Variants in C13orf46 observed in about 807,000 individuals in gnomAD.
The protein encoded by C13orf46 is uncharacterized protein C13orf46.
the C13orf46 span, among the ~76,000 whole-genome samples, chr13:113,931,479 A>AC: frequency 4.4e-3 from 668 of 152,032 alleles, 10 homozygotes; most frequent in East Asian, 0.049. Context: ...AAGGGAGTAC[A>AC]CCCCTCCCTT....
At chr13:113,951,784 A>T (rs2052489775), downstream of C13orf46, among the ~76,000 whole-genome samples, 1 of 152,200 alleles carries the variant, frequency 6.6e-6, no homozygotes, top group African/African-American at 2.4e-5. Context: ...CTCCACGTAG[A>T]GATGTGCTGA....
rs1594241089 is a variant in C13orf46 at position 113,955,163 on chromosome 13, AGGAGAGGAGGAGCATCTGGT to A, written c.*1590_*1609del. The A allele has an allele frequency of 3.2e-5, 6 of 189,476 alleles. No homozygotes were observed. The East Asian group carries it at 8.8e-4, about 28-fold the overall frequency. The allele number at this position is 189,476 out of a possible 1,614,324, so 11.7% of individuals were successfully genotyped here. A position where few individuals can be genotyped will look rare whatever the true frequency, so the allele number is the denominator to read the frequency against. On this transcript the variant is annotated 3_prime_UTR_variant, in exon 7 of 7. Transcript: ENST00000636427. Reference sequence around the variant, plus strand: ...TCCGGTGGAGATGAGGAGCATCTCGAGGAGAGGAGGAGCATCTGGTGGAGAGGAGGAGCATCCCGTGGAGA... The same window carrying A: ...TCCGGTGGAGATGAGGAGCATCTCGAGGAGAGGAGGAGCATCCCGTGGAGA...
At chr13:113,927,574 C>T in the C13orf46 span, 12 of 398,572 alleles carry the variant, frequency 3.0e-5, no homozygotes, top group African/African-American at 1.2e-4. Flanking sequence ...ACTGATGGAG[C>T]GACCGTCTAC....
At chr13:113,929,546 G>A in the C13orf46 span, among the ~76,000 whole-genome samples, 2 of 152,244 alleles carry the variant, frequency 1.3e-5, no homozygotes, top group East Asian at 3.8e-4. Flanking sequence ...TGTTTCCCAG[G>A]CACTTGGGCC....
the C13orf46 span, among the ~76,000 whole-genome samples, chr13:113,937,232 C>G: frequency 6.6e-6 from 1 of 152,126 alleles, no homozygotes; most frequent in African/African-American, 2.4e-5. Flanking sequence ...TGTGGCATCC[C>G]CGGTCCGAGG....
At chr13:113,945,069 C>T in the C13orf46 span, among the ~76,000 whole-genome samples, 1 of 150,936 alleles carries the variant, frequency 6.6e-6, no homozygotes, top group Non-Finnish European at 1.5e-5. Flanking sequence ...ATGAGTCCTC[C>T]AGGTGTGTGA....
intron 6 of C13orf46, among the ~76,000 whole-genome samples, chr13:113,958,219 C>G (rs1053827402): frequency 2.0e-5 from 3 of 150,702 alleles, no homozygotes; most frequent in Admixed American, 6.6e-5. Flanking sequence ...GTCTCCCCTG[C>G]ACTCCACATG....
chr13:113,937,559 T>C, the C13orf46 span, among the ~76,000 whole-genome samples: 1 of 152,100 alleles, frequency 6.6e-6, no homozygotes, highest in Admixed American at 6.5e-5. Flanking sequence ...TTTAGGAAGT[T>C]TATTTTGCCA....
At chr13:113,970,258 A>C (rs1265447797) in intron 1 of C13orf46, 36 bp from the exon 2 acceptor site, 1 of 152,148 alleles carries the variant, frequency 6.6e-6, no homozygotes, top group Non-Finnish European at 1.5e-5. Flanking sequence ...GCACCATTAC[A>C]CCGCAGCTAC....
Position 113,956,533 on chromosome 13 carries a change from C to T in C13orf46, c.*240G>A, listed in dbSNP as rs2052536125. The T allele has an allele frequency of 6.5e-6, 1 of 153,026 alleles. No individual in the cohort carries two copies. Among genetic ancestry groups the T allele is most frequent in the African/African-American group, 2.4e-5 (1 of 41,426 alleles). 9.5% of individuals were successfully genotyped at this position (153,026 alleles called of 1,614,324 possible). A position where few individuals can be genotyped will look rare whatever the true frequency, so the allele number is the denominator to read the frequency against. ...CACACCTGGTGTGGTCATCGGCACCCCAGCGTTGCTCAGAGCTGGCGGGAT... is the reference window on the plus strand; with the variant it reads ...CACACCTGGTGTGGTCATCGGCACCTCAGCGTTGCTCAGAGCTGGCGGGAT... On this transcript the variant is annotated 3_prime_UTR_variant, in exon 7 of 7. Coordinates refer to ENST00000636427, the MANE Select transcript of C13orf46 (RefSeq NM_001365455.2).
downstream of C13orf46, among the ~76,000 whole-genome samples, chr13:113,952,401 G>A (rs925039523): frequency 5.2e-4 from 79 of 152,190 alleles, no homozygotes; most frequent in Middle Eastern, 6.8e-3. Flanking sequence ...GCCCAGGGCC[G>A]CTGTGTGGCC....
chr13:113,970,968 T>C (rs1416715817), intron 1 of C13orf46, among the ~76,000 whole-genome samples: 3 of 152,298 alleles, frequency 2.0e-5, no homozygotes, highest in South Asian at 4.1e-4. Flanking sequence ...TTGGCCAACG[T>C]GAAACATTCC....
the C13orf46 span, among the ~76,000 whole-genome samples, chr13:113,942,640 AT>A: frequency 6.6e-5 from 10 of 152,206 alleles, no homozygotes; most frequent in Admixed American, 3.3e-4. Context: ...CAGGACAAGG[AT>A]GGCCAGAGCT....
chr13:113,960,428 C>T (rs1276250549), intron 6 of C13orf46, among the ~76,000 whole-genome samples: 19,110 of 152,140 alleles, frequency 0.13, 1,645 homozygotes, highest in Middle Eastern at 0.2. Flanking sequence ...AGGTCTACAT[C>T]TCAGAAACTC....
the C13orf46 span, among the ~76,000 whole-genome samples, chr13:113,939,159 G>GCTT: frequency 0.32 from 48,984 of 151,964 alleles, 8,318 homozygotes; most frequent in African/African-American, 0.37. Flanking sequence ...ACAGCGTCCG[G>GCTT]CTTCTCACTC....
At chr13:113,934,904 G>C in the C13orf46 span, among the ~76,000 whole-genome samples, 2 of 152,260 alleles carry the variant, frequency 1.3e-5, no homozygotes, top group Non-Finnish European at 2.9e-5. Flanking sequence ...TTCTAAACGG[G>C]CTCTGGGAAG....
chr13:113,966,056 T>C (rs1347221402), intron 5 of C13orf46, among the ~76,000 whole-genome samples: 2 of 148,742 alleles, frequency 1.3e-5, no homozygotes, highest in Non-Finnish European at 3.0e-5. Context: ...ATGATGCTGG[T>C]GATGGGAATG....
the C13orf46 span, among the ~76,000 whole-genome samples, chr13:113,947,886 T>C: frequency 3.3e-5 from 5 of 152,196 alleles, no homozygotes; most frequent in Non-Finnish European, 7.3e-5. Context: ...AGCATATCCA[T>C]GGGATTGGGG....
At chr13:113,959,687 AT>A (rs1328844038) in intron 6 of C13orf46, among the ~76,000 whole-genome samples, 2 of 152,222 alleles carry the variant, frequency 1.3e-5, no homozygotes, top group Admixed American at 6.5e-5. Context: ...TTTTAAACCA[AT>A]GAGCAAATTA....
Sources: allele counts gnomAD v4.1 joint callset (sites outside exome capture counted in the v4.1 genomes callset), GRCh38; gene constraint gnomAD v4.1.1; transcripts MANE v1.5; gene names NCBI Gene and HGNC (gene_info 2026-07-23, HGNC 2026-07-21).